Variants in ABLIM1 observed in about 807,000 individuals in gnomAD.
ABLIM1 encodes the protein actin-binding LIM protein 1.
In ABLIM1, 40 loss-of-function variants were observed where a neutral mutation model predicts 107.0. That is an observed-to-expected ratio of 0.37 (90% CI 0.29 to 0.49). The LOEUF (loss-of-function observed/expected upper bound fraction) is 0.49, where lower values mean the gene tolerates loss of function less well. Among genes scored for constraint, ABLIM1 ranks in the 20% least tolerant of loss-of-function variants. The probability of loss-of-function intolerance (pLI) is 0.97; values close to 1 mark genes in which losing one functional copy is unlikely to be tolerated. For synonymous variants in ABLIM1, 357 were observed against 357.3 expected (o/e 1.00, Z 0.01); for missense variants, 857 against 1,008.5 (o/e 0.85, Z 2.04).
intron 15 of ABLIM1, among the ~76,000 whole-genome samples, 184 bp from the exon 16 acceptor site, chr10:114,445,587 C>G (rs531629599): frequency 8.7e-4 from 132 of 152,278 alleles, no homozygotes; most frequent in African/African-American, 3.1e-3. Flanking sequence ...TGGCTGGTTT[C>G]TCAAGAAAAT....
Position 114,491,012 on chromosome 10 carries a change from G to GTGTGTGTATGTATATATA in ABLIM1, c.982+778_982+779insTATATATACATACACACA. Among the ~76,000 whole-genome samples the GTGTGTGTATGTATATATA allele has an allele frequency of 1.6e-4, 15 of 92,386 alleles. 1 individual carries two copies. Among genetic ancestry groups the GTGTGTGTATGTATATATA allele is most frequent in the African/African-American group, 6.5e-4 (14 of 21,700 alleles). 60.6% of individuals were successfully genotyped at this position (92,386 alleles called of 152,430 possible). Reference sequence around the variant, plus strand: ...TGTGTGTGTGTGTGTGTGTGTGTGTGTATATATATATATGGTCTATTTTAT... The same window carrying GTGTGTGTATGTATATATA: ...TGTGTGTGTGTGTGTGTGTGTGTGTGTGTGTGTATGTATATATATATATATATATATGGTCTATTTTAT... On this transcript the variant is annotated intron_variant, in intron 7 of 22. Transcript: ENST00000533213.
intron 10 of ABLIM1, among the ~76,000 whole-genome samples, chr10:114,470,932 C>G (rs186894920): frequency 1.3e-5 from 2 of 152,006 alleles, no homozygotes; most frequent in Non-Finnish European, 2.9e-5. Context: ...TCACCCAGGC[C>G]GGAGTACAAT....
chr10:114,797,079 C>A, the ABLIM1 span, among the ~76,000 whole-genome samples: 22 of 152,338 alleles, frequency 1.4e-4, 1 homozygote, highest in East Asian at 4.2e-3. Context: ...TCATCTCACT[C>A]TCTCACCGTA....
chr10:114,505,963 C>T (rs1365724058), intron 6 of ABLIM1, among the ~76,000 whole-genome samples: 1 of 152,180 alleles, frequency 6.6e-6, no homozygotes, highest in Admixed American at 6.5e-5. Flanking sequence ...GATCCCATCA[C>T]CCAGGTAGTA....
upstream of ABLIM1, chr10:114,768,122 G>C (rs1376810907): frequency 2.5e-6 from 1 of 393,470 alleles, no homozygotes; most frequent in East Asian, 1.2e-4. Flanking sequence ...CAGCCCCGCA[G>C]GGCGCGGGGA....
chr10:114,689,736 CAGTATCT>C (rs1333146262), upstream of ABLIM1, among the ~76,000 whole-genome samples: 2 of 150,646 alleles, frequency 1.3e-5, no homozygotes, highest in East Asian at 3.9e-4. Context: ...TCTTTATGAT[CAGTATCT>C]TTCAAAAAAA....
intron 6 of ABLIM1, among the ~76,000 whole-genome samples, chr10:114,529,746 G>A (rs1242890920): frequency 6.6e-6 from 1 of 152,198 alleles, no homozygotes; most frequent in Non-Finnish European, 1.5e-5. Context: ...CCGAAGGTGG[G>A]CTGGGCGTGG....
chr10:114,554,439 A>T (rs2068468417), intron 4 of ABLIM1, among the ~76,000 whole-genome samples: 1 of 152,210 alleles, frequency 6.6e-6, no homozygotes, highest in Non-Finnish European at 1.5e-5. Context: ...CACACCTTAA[A>T]TCTTAACACT....
chr10:114,689,913 C>T (rs1001173492), upstream of ABLIM1, among the ~76,000 whole-genome samples: 2 of 152,100 alleles, frequency 1.3e-5, no homozygotes, highest in Non-Finnish European at 2.9e-5. Flanking sequence ...CCACCACCAC[C>T]CCAAAATGGG....
At chr10:114,639,676 C>G (rs1225184027) in intron 1 of ABLIM1, among the ~76,000 whole-genome samples, 1 of 152,244 alleles carries the variant, frequency 6.6e-6, no homozygotes, top group Non-Finnish European at 1.5e-5. Context: ...GATGTTCATG[C>G]TCAGAAGATG....
intron 4 of ABLIM1, among the ~76,000 whole-genome samples, chr10:114,559,565 G>C (rs2069357952): frequency 6.6e-6 from 1 of 152,098 alleles, no homozygotes; most frequent in East Asian, 1.9e-4. Flanking sequence ...CTCACCCTGG[G>C]GTCTCCCTCG....
rs1194513812 is a variant in ABLIM1, at chr10:114,708,278, C to G, written c.-213+59783G>C. On this transcript the variant is annotated intron_variant, in intron 1 of 15. Transcript: ENST00000651092. ...GGCTGTAATTATGATGGCAACATAG[C>G]TACACCCTCTGAAGGCCATTATGAA... 5.9e-5 allele frequency among the ~76,000 whole-genome samples: 9 copies of G among 152,324 alleles called. No individual in the cohort carries two copies. In the East Asian group the frequency reaches 1.4e-3, roughly 23 times the overall value.
chr10:114,571,458 T>A, intron 3 of ABLIM1, 52 bp from the exon 4 acceptor site: 1 of 1,553,250 alleles, frequency 6.4e-7, no homozygotes, highest in Non-Finnish European at 8.9e-7. Flanking sequence ...TTTCATTCCT[T>A]TTCCTTATTC....
chr10:114,684,859 T>A, exon 1 of ABLIM1: 2 of 408,378 alleles, frequency 4.9e-6, no homozygotes, highest in Non-Finnish European at 6.6e-6. Context: ...CTTAATGAAT[T>A]ACTATCTCAA....
At position 114,735,717 on chromosome 10, in the gene ABLIM1, C is replaced by G. The variant is rs895398514; in HGVS notation, c.-213+32344G>C. Among the ~76,000 whole-genome samples the G allele has an allele frequency of 3.3e-5, 5 of 152,192 alleles. No individual in the cohort carries two copies. In the South Asian group the frequency reaches 1.0e-3, roughly 31 times the overall value. Reference sequence around the variant, plus strand: ...TCTTTTGACCTCGTGATCTGCCCCCCTCGGCCTCCCACAGTGCTGGGATTA... The same window carrying G: ...TCTTTTGACCTCGTGATCTGCCCCCGTCGGCCTCCCACAGTGCTGGGATTA... On this transcript the variant is annotated intron_variant, in intron 1 of 15. Coordinates refer to the ABLIM1 transcript ENST00000651092.
At chr10:114,578,567 C>T (rs939606376) in intron 2 of ABLIM1, among the ~76,000 whole-genome samples, 1 of 151,298 alleles carries the variant, frequency 6.6e-6, no homozygotes, top group Non-Finnish European at 1.5e-5. Flanking sequence ...CCACCACACC[C>T]GGCTAATTTT....
At chr10:114,703,059 T>C (rs1275139523) in intron 1 of ABLIM1, among the ~76,000 whole-genome samples, 1 of 152,224 alleles carries the variant, frequency 6.6e-6, no homozygotes, top group East Asian at 1.9e-4. Flanking sequence ...AACCTCTTAA[T>C]AGGAAAATTC....
intron 1 of ABLIM1, among the ~76,000 whole-genome samples, chr10:114,712,183 T>A (rs1252575418): frequency 6.6e-6 from 1 of 151,666 alleles, no homozygotes. Context: ...TGAAACCTGA[T>A]CTCTACTGAA....
At chr10:114,496,681 G>T (rs568083038) in intron 6 of ABLIM1, among the ~76,000 whole-genome samples, 10 of 152,300 alleles carry the variant, frequency 6.6e-5, no homozygotes, top group Admixed American at 2.0e-4. Flanking sequence ...TATATAAAAA[G>T]AAAACACTGC....
Sources: gnomAD v4.1 joint callset for allele counts (sites outside exome capture counted in the v4.1 genomes callset) on GRCh38, gnomAD v4.1.1 for gene constraint, MANE v1.5 for transcripts, NCBI Gene and HGNC (gene_info 2026-07-23, HGNC 2026-07-21) for gene names.